The following FAP variants were observed in gnomAD, a reference collection of about 807,000 sequenced individuals.
The protein encoded by FAP is fibroblast activation protein alpha, also known as prolyl endopeptidase FAP.
In FAP, 110 loss-of-function variants were observed where a neutral mutation model predicts 126.5. That is an observed-to-expected ratio of 0.87 (90% CI 0.74 to 1.02). The LOEUF (loss-of-function observed/expected upper bound fraction) is 1.02, where lower values mean the gene tolerates loss of function less well. Ranked by LOEUF, FAP falls within the 50% of genes least tolerant of loss-of-function variation. FAP has a pLI of 0.00. For synonymous variants in FAP, 334 were observed against 297.3 expected (o/e 1.12, Z -1.27); for missense variants, 919 against 909.2 (o/e 1.01, Z -0.14).
chr2:162,198,430 G>A (rs572159471), intron 16 of FAP: 9 of 1,052,614 alleles, frequency 8.6e-6, no homozygotes, highest in African/African-American at 1.6e-5. Flanking sequence ...GCCTCTGCAC[G>A]CAGTCTTAGT....
intron 20 of FAP, 87 bp from the exon 21 acceptor site, chr2:162,183,555 T>TAAATATGAATCTTTGGATTA (rs770625455): frequency 2.2e-5 from 17 of 779,328 alleles, no homozygotes; most frequent in Non-Finnish European, 3.7e-5. Context: ...ATCCAAAGAT[T>TAAATATGAATCTTTGGATTA]TAATAGAAAC....
At chr2:162,217,243 T>C (rs1044010392) in intron 9 of FAP, among the ~76,000 whole-genome samples, 1 of 152,186 alleles carries the variant, frequency 6.6e-6, no homozygotes, top group South Asian at 2.1e-4. Flanking sequence ...GTAAAAGCAA[T>C]AGCATCCAAA....
chr2:162,181,441 T>A (rs1026744669), intron 21 of FAP, among the ~76,000 whole-genome samples: 4 of 152,156 alleles, frequency 2.6e-5, no homozygotes, highest in Non-Finnish European at 5.9e-5. Context: ...CTCAAGATAC[T>A]TTAGACTTTT....
chr2:162,172,869 T>G lies in FAP; in HGVS notation c.2123A>C (p.Gln708Pro), dbSNP rs761068764. The part of the protein sequence containing the change: ...HGTADDNVHF[Q>P]NSAQIAKALV... ...AGCTTTAGCAATCTGTGCTGAGTTT[T>G]GAAAGTGCACATTATCTGCAACAAA... Residue 708 changes from glutamine (Q) to proline (P), a missense_variant, in exon 25 of 26, where the codon CAA becomes CCA. Gln to Pro is a moderately conservative substitution (Grantham distance 76, BLOSUM62 -1). Coordinates refer to ENST00000188790, the MANE Select transcript of FAP (RefSeq NM_004460.5). 1 of 1,612,542 alleles carries G rather than the reference T, an allele frequency of 6.2e-7. No individual in the cohort carries two copies. Among genetic ancestry groups the G allele is most frequent in the East Asian group, 2.2e-5 (1 of 44,854 alleles).
chr2:162,190,400 A>G (rs1418429209), intron 17 of FAP, among the ~76,000 whole-genome samples: 2 of 152,056 alleles, frequency 1.3e-5, no homozygotes, highest in Non-Finnish European at 2.9e-5. Flanking sequence ...GTGTATACAC[A>G]CACACACACA....
chr2:162,173,304 C>A, intron 23 of FAP, 83 bp from the exon 24 acceptor site: 1 of 944,882 alleles, frequency 1.1e-6, no homozygotes. Flanking sequence ...ATGGACTTAG[C>A]ACCAATACTG....
chr2:162,226,711 T>C (rs1311226346), intron 2 of FAP, 90 bp from the exon 3 acceptor site: 3 of 691,894 alleles, frequency 4.3e-6, no homozygotes, highest in African/African-American at 1.8e-5. Context: ...TTCTTTCTTA[T>C]ATAGTAATAA....
intron 6 of FAP, among the ~76,000 whole-genome samples, chr2:162,221,209 C>A (rs948442078): frequency 6.6e-6 from 1 of 152,026 alleles, no homozygotes; most frequent in East Asian, 1.9e-4. Context: ...CCTGGGTGAT[C>A]GGGAACATGT....
intron 16 of FAP, among the ~76,000 whole-genome samples, chr2:162,196,947 C>T: frequency 6.6e-6 from 1 of 152,170 alleles, no homozygotes. Context: ...GACTCTTCCA[C>T]CAACTTTTGA....
intron 5 of FAP, 135 bp from the exon 6 acceptor site, chr2:162,223,795 A>G: frequency 1.6e-6 from 1 of 627,150 alleles, no homozygotes. Flanking sequence ...TAGGAAGAAT[A>G]TGTTTCAATT....
chr2:162,184,393 T>C lies in FAP; in HGVS notation c.1815-925A>G, dbSNP rs1310229681. Among the ~76,000 whole-genome samples, 3 of 152,236 alleles carry C rather than the reference T, an allele frequency of 2.0e-5. No individual in the cohort carries two copies. In the East Asian group the frequency reaches 5.8e-4, roughly 29 times the overall value. On this transcript the variant is annotated intron_variant, in intron 20 of 25. Transcript: ENST00000188790. ...CCATTCAATTACTGTTAAAGACCTT[T>C]CTCATCAGTTCTTCTCTGGAAGTAG...
intron 21 of FAP, among the ~76,000 whole-genome samples, chr2:162,178,067 A>C (rs1409379183): frequency 3.3e-5 from 5 of 152,130 alleles, no homozygotes; most frequent in African/African-American, 1.2e-4. Flanking sequence ...TTTCGGGGAA[A>C]CTGTAAGTTC....
At chr2:162,211,241 T>C (rs1030393749) in intron 11 of FAP, among the ~76,000 whole-genome samples, 1 of 152,194 alleles carries the variant, frequency 6.6e-6, no homozygotes, top group Non-Finnish European at 1.5e-5. Context: ...TGTTGGAAGC[T>C]AGTTAGCAGA....
chr2:162,232,628 CT>C (rs1306271389), intron 2 of FAP, among the ~76,000 whole-genome samples: 1 of 152,136 alleles, frequency 6.6e-6, no homozygotes, highest in Non-Finnish European at 1.5e-5. Context: ...TGAAGAATGT[CT>C]CAGCTCTAAC....
At chr2:162,236,081 T>G (rs1290573090) in intron 2 of FAP, among the ~76,000 whole-genome samples, 1 of 152,210 alleles carries the variant, frequency 6.6e-6, no homozygotes, top group East Asian at 1.9e-4. Flanking sequence ...GTTTTTGTCC[T>G]TTTTTCTATT....
chr2:162,239,875 G>A (rs1336767914), intron 2 of FAP, among the ~76,000 whole-genome samples: 2 of 152,164 alleles, frequency 1.3e-5, no homozygotes, highest in Admixed American at 6.5e-5. Flanking sequence ...CATGAATCAA[G>A]TTTGTGTAGA....
intron 12 of FAP, among the ~76,000 whole-genome samples, chr2:162,207,304 C>G (rs1437042953): frequency 6.6e-6 from 1 of 152,168 alleles, no homozygotes; most frequent in African/African-American, 2.4e-5. Flanking sequence ...TAAACTGACT[C>G]TTGAAAACAA....
intron 21 of FAP, among the ~76,000 whole-genome samples, chr2:162,178,464 A>G (rs1309752881): frequency 6.6e-6 from 1 of 152,120 alleles, no homozygotes; most frequent in Non-Finnish European, 1.5e-5. Flanking sequence ...ACTAGATGCC[A>G]GTAGCACTCC....
At chr2:162,198,113 A>G in intron 16 of FAP, 1 of 1,178,072 alleles carries the variant, frequency 8.5e-7, no homozygotes, top group Non-Finnish European at 1.1e-6. Flanking sequence ...CGTATGTCCT[A>G]AACAACCAGG....
Sources: allele counts gnomAD v4.1 joint callset (sites outside exome capture counted in the v4.1 genomes callset), GRCh38; gene constraint gnomAD v4.1.1; transcripts MANE v1.5; gene names NCBI Gene and HGNC (gene_info 2026-07-23, HGNC 2026-07-21).